CWF19L2: variants seen among roughly 807,000 people sequenced by gnomAD.
CWF19L2 encodes the protein CWF19-like protein 2.
In CWF19L2, 98 loss-of-function variants were observed where a neutral mutation model predicts 111.7. That is an observed-to-expected ratio of 0.88 (90% CI 0.75 to 1.04). The LOEUF (loss-of-function observed/expected upper bound fraction) is 1.04, where lower values mean the gene tolerates loss of function less well. Ranked by LOEUF, CWF19L2 falls within the 50% of genes least tolerant of loss-of-function variation. CWF19L2 has a pLI of 0.00. For missense variants in CWF19L2, 1,101 were observed against 1,051.4 expected (o/e 1.05, Z -0.65); for synonymous variants, 351 against 342.9 (o/e 1.02, Z -0.26).
At chr11:107,368,873 G>T (rs1447792622) in intron 12 of CWF19L2, among the ~76,000 whole-genome samples, 1 of 137,526 alleles carries the variant, frequency 7.3e-6, no homozygotes, top group Non-Finnish European at 1.6e-5. Context: ...TTCAAGAATG[G>T]TGCTTCAAAA....
chr11:107,451,140 G>C (rs1428100085), intron 3 of CWF19L2, among the ~76,000 whole-genome samples: 2 of 151,640 alleles, frequency 1.3e-5, no homozygotes, highest in Non-Finnish European at 2.9e-5. Context: ...AAATTATACA[G>C]AGTATAACAT....
In CWF19L2 at chr11:107,353,541, C is replaced by G; in HGVS notation, c.2068G>C (p.Val690Leu). 1.2e-6 allele frequency: 2 copies of G among 1,613,492 alleles called. No homozygotes were observed. The highest frequency in any genetic ancestry group is 1.7e-6 in the Non-Finnish European group (2 of 1,179,590). Residue 690 changes from valine to leucine, a missense_variant, in exon 13 of 18, where the codon GTT becomes CTT. Val to Leu is a conservative substitution (Grantham distance 32, BLOSUM62 1). Coordinates refer to ENST00000282251, the MANE Select transcript of CWF19L2 (RefSeq NM_152434.3). Reference protein sequence around the residue: ...DSSQFPKHLIVAIGVKVYLCL... With the variant: ...DSSQFPKHLILAIGVKVYLCL... ...CTTCTTACCTTAACACCTATTGCAA[C>G]AATAAGATGCTTGGGAAATTGAGAG...
intron 12 of CWF19L2, among the ~76,000 whole-genome samples, chr11:107,386,929 C>G (rs946292114): frequency 8.6e-5 from 13 of 151,930 alleles, no homozygotes; most frequent in Non-Finnish European, 1.0e-4. Flanking sequence ...TGGTGCGTGC[C>G]TATAGTCCCA....
At chr11:107,358,728 T>C (rs889880440) in intron 12 of CWF19L2, among the ~76,000 whole-genome samples, 1 of 152,226 alleles carries the variant, frequency 6.6e-6, no homozygotes, top group Non-Finnish European at 1.5e-5. Context: ...TTTTAATCTG[T>C]ATTTTTTCAC....
At chr11:107,387,204 A>T (rs996821723) in intron 12 of CWF19L2, among the ~76,000 whole-genome samples, 1 of 151,924 alleles carries the variant, frequency 6.6e-6, no homozygotes, top group Non-Finnish European at 1.5e-5. Context: ...ACTCCCCCAA[A>T]ATTTGTCCCT....
chr11:107,347,531 T>C (rs929770779), intron 14 of CWF19L2, among the ~76,000 whole-genome samples: 3 of 152,240 alleles, frequency 2.0e-5, no homozygotes, highest in African/African-American at 7.2e-5. Flanking sequence ...CTAACAATTA[T>C]TTTCCTTTCT....
In CWF19L2 at chr11:107,429,416, A is replaced by G; in HGVS notation, c.816T>C (p.Ala272=). Residue 272 remains alanine, a synonymous_variant, in exon 8 of 18, where the codon GCT becomes GCC. Coordinates refer to ENST00000282251, the MANE Select transcript of CWF19L2 (RefSeq NM_152434.3). ...MEIFQSKLED[A]EKAASTKEDY... is the part of the protein sequence containing the mutation. ...CTTCTTTCGTGGATGCAGCTTTTTC[A>G]GCATCTTCTAATTTTGACTGAAATA... 6.4e-7 allele frequency: 1 copy of G among 1,564,858 alleles called. No individual in the cohort carries two copies. Among genetic ancestry groups the G allele is most frequent in the Non-Finnish European group, 8.7e-7 (1 of 1,155,788 alleles).
intron 6 of CWF19L2, among the ~76,000 whole-genome samples, chr11:107,438,275 C>T (rs1337706593): frequency 1.3e-5 from 2 of 152,170 alleles, no homozygotes; most frequent in African/African-American, 2.4e-5. Flanking sequence ...GTCAGCACAA[C>T]ACTTAATGGG....
intron 14 of CWF19L2, among the ~76,000 whole-genome samples, chr11:107,339,870 G>T (rs1859981464): frequency 6.6e-6 from 1 of 151,946 alleles, no homozygotes; most frequent in Admixed American, 6.6e-5. Flanking sequence ...GTTTCGCCAT[G>T]TTGGCCAGGC....
At chr11:107,344,449 T>C (rs1171082159) in intron 14 of CWF19L2, among the ~76,000 whole-genome samples, 1 of 152,254 alleles carries the variant, frequency 6.6e-6, no homozygotes, top group African/African-American at 2.4e-5. Context: ...TACCTAACAA[T>C]GTCTTGATTT....
At chr11:107,411,577 T>C (rs7938787) in intron 10 of CWF19L2, among the ~76,000 whole-genome samples, 31,645 of 151,970 alleles carry the variant, frequency 0.21, 3,463 homozygotes, top group African/African-American at 0.27. Flanking sequence ...GGTAAAGAAT[T>C]TTAGTCTGAT....
intron 15 of CWF19L2, among the ~76,000 whole-genome samples, chr11:107,335,309 AT>A (rs1322477390): frequency 5.4e-4 from 82 of 152,284 alleles, no homozygotes; most frequent in Admixed American, 3.4e-3. Context: ...TACTAAATAA[AT>A]TCATTTAGTT....
chr11:107,446,001 G>C (rs1861697185), intron 3 of CWF19L2, among the ~76,000 whole-genome samples: 1 of 152,196 alleles, frequency 6.6e-6, no homozygotes, highest in African/African-American at 2.4e-5. Context: ...TGGACTAAGA[G>C]GCAATGCTGT....
In CWF19L2 at chr11:107,443,588, A is replaced by C. The variant is rs1482095254; in HGVS notation, c.340-539T>G. On this transcript the variant is annotated intron_variant, in intron 3 of 17. Coordinates refer to ENST00000282251, the MANE Select transcript of CWF19L2 (RefSeq NM_152434.3). Reference sequence around the variant, plus strand: ...TTTCTCATCCATTTATTATCAAGCCAAGAGAAGGCAAAAAAACAAAAATGG... The same window carrying C: ...TTTCTCATCCATTTATTATCAAGCCCAGAGAAGGCAAAAAAACAAAAATGG... 2.6e-5 allele frequency among the ~76,000 whole-genome samples: 4 copies of C among 152,314 alleles called. No individual in the cohort carries two copies. In the South Asian group the frequency reaches 6.2e-4, roughly 24 times the overall value.
chr11:107,409,206 AC>A (rs368197655), intron 10 of CWF19L2, among the ~76,000 whole-genome samples: 17 of 152,150 alleles, frequency 1.1e-4, no homozygotes, highest in African/African-American at 4.1e-4. Context: ...GATCCAAAAG[AC>A]AGTGTTAAAG....
chr11:107,411,429 TATA>T (rs1297310648), intron 10 of CWF19L2, among the ~76,000 whole-genome samples: 1 of 152,302 alleles, frequency 6.6e-6, no homozygotes, highest in East Asian at 1.9e-4. Flanking sequence ...CACGTTCATT[TATA>T]ATGACTTGTT....
At chr11:107,426,393 T>C (rs1458662147) in intron 8 of CWF19L2, among the ~76,000 whole-genome samples, 2 of 151,966 alleles carry the variant, frequency 1.3e-5, no homozygotes, top group Non-Finnish European at 2.9e-5. Context: ...AAAGTCTAAA[T>C]TGGTTAATAC....
intron 7 of CWF19L2, among the ~76,000 whole-genome samples, chr11:107,431,165 A>G (rs551369249): frequency 6.6e-6 from 1 of 152,130 alleles, no homozygotes; most frequent in South Asian, 2.1e-4. Flanking sequence ...AAAGTTCTAA[A>G]ATTATAACTA....
intron 10 of CWF19L2, among the ~76,000 whole-genome samples, chr11:107,399,111 A>G (rs1860964884): frequency 6.6e-6 from 1 of 152,210 alleles, no homozygotes; most frequent in African/African-American, 2.4e-5. Context: ...TTAAAGCATA[A>G]ATTACACAGG....
Sources: gnomAD v4.1 joint callset for allele counts (sites outside exome capture counted in the v4.1 genomes callset) on GRCh38, gnomAD v4.1.1 for gene constraint, MANE v1.5 for transcripts, NCBI Gene and HGNC (gene_info 2026-07-23, HGNC 2026-07-21) for gene names.